Variants in FHIT observed in about 807,000 individuals in gnomAD.
FHIT encodes fragile histidine triad diadenosine triphosphatase.
A neutral mutation model predicts 17.9 loss-of-function variants in FHIT; 19 were observed. The ratio of observed to expected loss-of-function variants is 1.06; its 90% confidence interval spans 0.74 to 1.56. FHIT has a LOEUF of 1.56. Ranked by LOEUF, FHIT falls within the 40% of genes most tolerant of loss-of-function variation. FHIT has a pLI of 0.00. For missense variants in FHIT, 248 were observed against 189.2 expected (o/e 1.31, Z -1.82); for synonymous variants, 81 against 69.7 (o/e 1.16, Z -0.81).
chr3:60,177,510 G>T (rs374419057), intron 5 of FHIT, among the ~76,000 whole-genome samples: 1 of 152,112 alleles, frequency 6.6e-6, no homozygotes, highest in African/African-American at 2.4e-5. Flanking sequence ...TAGTCCCTTC[G>T]CATAGAAGTA....
At chr3:61,128,756 T>C (rs2036681564) in intron 2 of FHIT, among the ~76,000 whole-genome samples, 1 of 152,000 alleles carries the variant, frequency 6.6e-6, no homozygotes. Flanking sequence ...AACACTTATC[T>C]TGTGAAAAAA....
chr3:59,884,396 T>G (rs1386199488), intron 8 of FHIT, among the ~76,000 whole-genome samples: 1 of 152,086 alleles, frequency 6.6e-6, no homozygotes, highest in African/African-American at 2.4e-5. Flanking sequence ...CAAAAACCAG[T>G]TGTTAATATT....
At chr3:60,571,335 C>CAAAAAAAAAAAAAAAAAAAAAAAAA (rs56094072) in intron 4 of FHIT, among the ~76,000 whole-genome samples, 2 of 54,676 alleles carry the variant, frequency 3.7e-5, no homozygotes, top group East Asian at 4.9e-4. Flanking sequence ...GACTCCATCG[C>CAAAAAAAAAAAAAAAAAAAAAAAAA]AAAAAAAAAA....
chr3:60,307,553 T>TA (rs201124672), intron 5 of FHIT, among the ~76,000 whole-genome samples: 6,336 of 152,268 alleles, frequency 0.042, 199 homozygotes, highest in Non-Finnish European at 0.065. Flanking sequence ...GAGTGTGTTT[T>TA]AAAAAATGAC....
chr3:60,980,753 T>C (rs1710459416), intron 3 of FHIT, among the ~76,000 whole-genome samples: 2 of 152,196 alleles, frequency 1.3e-5, no homozygotes, highest in Admixed American at 1.3e-4. Flanking sequence ...ATATAAACTG[T>C]AGCCACCTGG....
chr3:60,466,654 C>G (rs1299962411), intron 5 of FHIT, among the ~76,000 whole-genome samples: 2 of 151,732 alleles, frequency 1.3e-5, no homozygotes, highest in African/African-American at 4.8e-5. Context: ...TCCTTGTGTT[C>G]ATATGATGTA....
intron 3 of FHIT, among the ~76,000 whole-genome samples, chr3:60,990,343 A>T (rs1335982150): frequency 6.6e-6 from 1 of 152,218 alleles, no homozygotes; most frequent in Middle Eastern, 3.2e-3. Context: ...GATAAGGAGC[A>T]GCTCGTTACT....
intron 5 of FHIT, among the ~76,000 whole-genome samples, chr3:60,323,618 A>G (rs1208478566): frequency 6.6e-6 from 1 of 152,060 alleles, no homozygotes; most frequent in African/African-American, 2.4e-5. Flanking sequence ...GTTGATCTTC[A>G]TGATTTTGCT....
chr3:59,774,632 G>A (rs1702222012), intron 8 of FHIT, among the ~76,000 whole-genome samples: 1 of 152,176 alleles, frequency 6.6e-6, no homozygotes, highest in Non-Finnish European at 1.5e-5. Context: ...ATCACAAATT[G>A]TAATGACACA....
intron 4 of FHIT, among the ~76,000 whole-genome samples, chr3:60,697,413 C>T (rs1375595306): frequency 3.9e-5 from 6 of 152,112 alleles, no homozygotes; most frequent in Admixed American, 1.3e-4. Context: ...ATGTCATATG[C>T]ACTTTTCCTG....
chr3:60,062,846 C>G (rs1035826475), intron 5 of FHIT, among the ~76,000 whole-genome samples: 2 of 152,060 alleles, frequency 1.3e-5, no homozygotes, highest in South Asian at 2.1e-4. Context: ...ATTAAACCAT[C>G]TCAGAGTTAA....
intron 7 of FHIT, among the ~76,000 whole-genome samples, chr3:60,000,724 A>G (rs1699696878): frequency 6.6e-6 from 1 of 152,116 alleles, no homozygotes; most frequent in African/African-American, 2.4e-5. Flanking sequence ...TCATAAGCAC[A>G]TGTGAAATAC....
chr3:60,345,097 T>C (rs1224231229), intron 5 of FHIT, among the ~76,000 whole-genome samples: 5 of 152,190 alleles, frequency 3.3e-5, no homozygotes, highest in Non-Finnish European at 7.3e-5. Flanking sequence ...CTTTTCCCCA[T>C]ACTTCACAAA....
At chr3:60,103,295 C>A (rs1286042505) in intron 5 of FHIT, among the ~76,000 whole-genome samples, 1 of 152,076 alleles carries the variant, frequency 6.6e-6, no homozygotes, top group African/African-American at 2.4e-5. Flanking sequence ...CTCTTTGGCC[C>A]GATCTAGGAA....
intron 3 of FHIT, among the ~76,000 whole-genome samples, chr3:60,948,149 G>C (rs1708718172): frequency 6.6e-6 from 1 of 152,056 alleles, no homozygotes; most frequent in African/African-American, 2.4e-5. Flanking sequence ...CTTAGACCAG[G>C]TGCTAGGTGT....
intron 5 of FHIT, among the ~76,000 whole-genome samples, chr3:60,025,298 C>G (rs185402361): frequency 6.6e-6 from 1 of 152,260 alleles, no homozygotes; most frequent in African/African-American, 2.4e-5. Context: ...CATATGTGCA[C>G]GCACACACAT....
Position 61,035,360 on chromosome 3 carries a change from T to A in FHIT, c.-111+6687A>T, listed in dbSNP as rs541430793. 2.0e-5 allele frequency among the ~76,000 whole-genome samples: 3 copies of A among 152,356 alleles called. No individual in the cohort carries two copies. The East Asian group carries it at 5.8e-4, about 29-fold the overall frequency. On this transcript the variant is annotated intron_variant, in intron 3 of 9. Coordinates refer to ENST00000492590, the MANE Select transcript of FHIT (RefSeq NM_002012.4). ...CATGTCACAATTCTGATCTTTTAAA[T>A]GTAAAATACATTTTACATTACTTAA...
chr3:60,975,036 T>C (rs1710177395), intron 3 of FHIT, among the ~76,000 whole-genome samples: 1 of 152,162 alleles, frequency 6.6e-6, no homozygotes. Flanking sequence ...TTACTGATGG[T>C]AGCTGTAAGT....
chr3:59,791,140 C>T (rs953970501), intron 8 of FHIT, among the ~76,000 whole-genome samples: 2 of 152,114 alleles, frequency 1.3e-5, no homozygotes, highest in African/African-American at 2.4e-5. Flanking sequence ...TATCCTGTTC[C>T]TCAGGCTTTG....
Sources: allele counts gnomAD v4.1 joint callset (sites outside exome capture counted in the v4.1 genomes callset), GRCh38; gene constraint gnomAD v4.1.1; transcripts MANE v1.5; gene names NCBI Gene and HGNC (gene_info 2026-07-23, HGNC 2026-07-21).